The following F13A1 variants were observed in gnomAD, a reference collection of about 807,000 sequenced individuals.
F13A1 encodes coagulation factor XIII A chain.
F13A1 carries 47 observed loss-of-function variants against 80.1 expected under a neutral mutation model. The observed-to-expected ratio is 0.59, with a 90% CI of 0.46 to 0.75. F13A1 has a LOEUF of 0.75. Among genes scored for constraint, F13A1 ranks in the 30% least tolerant of loss-of-function variants. The pLI, the probability that F13A1 is intolerant of heterozygous loss-of-function variation, is 0.00. For missense variants in F13A1, 817 were observed against 930.4 expected, an observed-to-expected ratio of 0.88 and a Z score of 1.59; for synonymous variants, 349 against 344.9, an observed-to-expected ratio of 1.01 and a Z score of -0.13.
At chr6:6,146,430 AG>A (rs966334484) in intron 14 of F13A1, among the ~76,000 whole-genome samples, 1 of 152,172 alleles carries the variant, frequency 6.6e-6, no homozygotes, top group African/African-American at 2.4e-5. Flanking sequence ...CTAATGACAT[AG>A]CCTTTCATGG....
chr6:6,180,582 T>C (rs546961765), intron 11 of F13A1, among the ~76,000 whole-genome samples: 11 of 152,336 alleles, frequency 7.2e-5, no homozygotes, highest in Non-Finnish European at 1.5e-4. Flanking sequence ...GCATTGCTTG[T>C]TTGTTTTGTT....
intron 8 of F13A1, among the ~76,000 whole-genome samples, chr6:6,200,388 G>A (rs114467103): frequency 3.3e-5 from 5 of 151,976 alleles, no homozygotes; most frequent in Admixed American, 6.6e-5. Flanking sequence ...GCAACATGGC[G>A]AAACCCTGTC....
At chr6:6,228,955 T>C (rs1757314756) in intron 6 of F13A1, among the ~76,000 whole-genome samples, 1 of 152,082 alleles carries the variant, frequency 6.6e-6, no homozygotes, top group Admixed American at 6.6e-5. Context: ...TAGGAGAATC[T>C]TAAGGGAAAG....
intron 10 of F13A1, among the ~76,000 whole-genome samples, chr6:6,186,673 T>C (rs1761085381): frequency 6.6e-6 from 1 of 152,210 alleles, no homozygotes; most frequent in African/African-American, 2.4e-5. Flanking sequence ...TCCAGCTTTG[T>C]TCTTTTGGCT....
intron 11 of F13A1, 26 bp from the exon 12 acceptor site, chr6:6,174,893 A>G: frequency 6.2e-7 from 1 of 1,613,910 alleles, no homozygotes. Flanking sequence ...AGATAATGAC[A>G]GGCAAAAATA....
At chr6:6,266,300 T>C (rs1455386465) in intron 4 of F13A1, among the ~76,000 whole-genome samples, 1 of 152,194 alleles carries the variant, frequency 6.6e-6, no homozygotes, top group Non-Finnish European at 1.5e-5. Flanking sequence ...GGCACAATCA[T>C]TGCTCACTGT....
Position 6,261,638 on chromosome 6 carries a change from T to C in F13A1, c.571+4920A>G, listed in dbSNP as rs111796378. Among the ~76,000 whole-genome samples, 241 of 127,092 alleles carry C rather than the reference T, an allele frequency of 1.9e-3. 103 individuals are homozygous for C. The highest frequency in any genetic ancestry group is 3.2e-3 in the Non-Finnish European group (175 of 55,276). The allele number at this position is 127,092 out of a possible 152,430, so 83.4% of individuals were successfully genotyped here. On this transcript the variant is annotated intron_variant, in intron 4 of 14. Transcript: ENST00000264870. ...GGTGACCCTCCAGGTGATTCTGATG[T>C]GCTCCAAGCGTGGTGACCCTCCAGG... is the stretch of plus-strand genomic sequence containing the variant.
intron 3 of F13A1, among the ~76,000 whole-genome samples, chr6:6,289,770 G>A (rs11243069): frequency 0.083 from 12,634 of 151,756 alleles, 682 homozygotes; most frequent in Middle Eastern, 0.14. Flanking sequence ...GTCATACAAA[G>A]ACATCAGTGT....
rs146000119 is a variant in F13A1, at chr6:6,205,256, C to T, written c.1113-7930G>A. The stretch of plus-strand genomic sequence containing the variant: ...CCTCAATGGAGGGGGTTGCAGATGG[C>T]GGGGTGCACTTGGACAGGTGCTGTA... On this transcript the variant is annotated intron_variant, in intron 8 of 14. Coordinates refer to ENST00000264870, the MANE Select transcript of F13A1 (RefSeq NM_000129.4). 7.4e-3 allele frequency among the ~76,000 whole-genome samples: 1,132 copies of T among 152,296 alleles called. 5 individuals are homozygous for T. Among genetic ancestry groups the T allele is most frequent in the Middle Eastern group, 0.041 (12 of 294 alleles).
intron 8 of F13A1, among the ~76,000 whole-genome samples, chr6:6,207,099 A>C (rs1216349851): frequency 6.6e-6 from 1 of 152,128 alleles, no homozygotes; most frequent in Non-Finnish European, 1.5e-5. Flanking sequence ...GAAAAAAACA[A>C]ACAAACATAA....
At chr6:6,247,426 A>C (rs73720350) in intron 6 of F13A1, among the ~76,000 whole-genome samples, 4,047 of 152,242 alleles carry the variant, frequency 0.027, 191 homozygotes, top group African/African-American at 0.092. Context: ...CTTCAGAAAT[A>C]ATCTACTCTT....
chr6:6,165,571 G>C (rs1339039540), intron 13 of F13A1, among the ~76,000 whole-genome samples: 1 of 152,150 alleles, frequency 6.6e-6, no homozygotes, highest in African/African-American at 2.4e-5. Context: ...GGAAGGTTCA[G>C]GGTTGAGCTC....
rs539497996 is a variant in F13A1, at chr6:6,199,741, G to T, written c.1113-2415C>A. On this transcript the variant is annotated intron_variant, in intron 8 of 14. Transcript: ENST00000264870. ...AGCCATTGGAATAATTTAAGAAGAA[G>T]ATCTAAATTTGCAAATCTCTGTTCG... Among the ~76,000 whole-genome samples the T allele has an allele frequency of 2.1e-4, 32 of 152,292 alleles. 1 individual carries two copies. The South Asian group carries it at 6.6e-3, about 32-fold the overall frequency.
chr6:6,146,092 A>G (rs369536689), intron 14 of F13A1, among the ~76,000 whole-genome samples: 16 of 152,264 alleles, frequency 1.1e-4, no homozygotes, highest in African/African-American at 3.8e-4. Context: ...CTTGTCTCCA[A>G]GCCCTCCATA....
intron 13 of F13A1, among the ~76,000 whole-genome samples, chr6:6,160,093 G>A (rs7771626): frequency 0.065 from 9,911 of 151,688 alleles, 385 homozygotes; most frequent in South Asian, 0.11. Context: ...CCTGGCCAAC[G>A]TGGTGAAACC....
At chr6:6,260,645 T>G (rs1434794103) in intron 4 of F13A1, among the ~76,000 whole-genome samples, 5 of 152,182 alleles carry the variant, frequency 3.3e-5, no homozygotes, top group Admixed American at 1.3e-4. Context: ...ATGCTTTGCG[T>G]GCTAGGCCGG....
rs1757618874 is a variant in F13A1 at position 6,250,696 on chromosome 6, A to G, written c.690+115T>C. ...CTCTGCCTTGGAGTCTCAGATCCTAAAAAGCAGGAAATTGTGCTTGTCTAA... is the reference window on the plus strand; with the variant it reads ...CTCTGCCTTGGAGTCTCAGATCCTAGAAAGCAGGAAATTGTGCTTGTCTAA... On this transcript the variant is annotated intron_variant, in intron 5 of 14. Coordinates refer to ENST00000264870, the MANE Select transcript of F13A1 (RefSeq NM_000129.4). The surrounding 1 kb of genome is among the most constrained non-coding windows in gnomAD (Gnocchi z 4.2). 2 of 764,726 alleles carry G rather than the reference A, an allele frequency of 2.6e-6. No homozygotes were observed. Among genetic ancestry groups the G allele is most frequent in the African/African-American group, 3.4e-5 (2 of 58,138 alleles). The allele number at this position is 764,726 out of a possible 1,614,324, so 47.4% of individuals were successfully genotyped here.
At chr6:6,174,385 A>G (rs1285724486) in intron 12 of F13A1, among the ~76,000 whole-genome samples, 195 bp downstream of exon 12, 1 of 150,312 alleles carries the variant, frequency 6.7e-6, no homozygotes, top group Admixed American at 6.7e-5. Flanking sequence ...GCGAGATTCC[A>G]TCTCAAAAAA....
At chr6:6,204,439 A>ACTGT (rs1187092374) in intron 8 of F13A1, among the ~76,000 whole-genome samples, 1 of 152,244 alleles carries the variant, frequency 6.6e-6, no homozygotes, top group African/African-American at 2.4e-5. Flanking sequence ...AAAGAAAGGC[A>ACTGT]CTGTCTATCT....
Sources: gnomAD v4.1 joint callset for allele counts (sites outside exome capture counted in the v4.1 genomes callset) on GRCh38, gnomAD v4.1.1 for gene constraint, Gnocchi (gnomAD v3.1) non-coding constraint, MANE v1.5 for transcripts, NCBI Gene and HGNC (gene_info 2026-07-23, HGNC 2026-07-21) for gene names.